RNF126: variants seen among roughly 807,000 people sequenced by gnomAD.
RNF126 encodes E3 ubiquitin-protein ligase RNF126.
RNF126 carries 20 observed loss-of-function variants against 41.9 expected under a neutral mutation model. The ratio of observed to expected loss-of-function variants is 0.48; its 90% CI spans 0.34 to 0.69. RNF126 has a LOEUF of 0.69. RNF126 is among the 30% of genes least tolerant of loss of function. The pLI, the probability that RNF126 is intolerant of heterozygous loss-of-function variation, is 0.01. For synonymous variants in RNF126, 239 were observed against 202.9 expected, an observed-to-expected ratio of 1.18 and a Z score of -1.51; for missense variants, 433 against 460.6, an observed-to-expected ratio of 0.94 and a Z score of 0.55.
chr19:648,097 G>GC lies in RNF126; in HGVS notation c.*30dup. 1 of 1,536,374 alleles carries GC rather than the reference G, an allele frequency of 6.5e-7. No individual in the cohort carries two copies. Among genetic ancestry groups the GC allele is most frequent in the Non-Finnish European group, 8.8e-7 (1 of 1,138,886 alleles). On this transcript the variant is annotated 3_prime_UTR_variant, in exon 9 of 9. Coordinates refer to ENST00000292363, the MANE Select transcript of RNF126 (RefSeq NM_194460.3). ...CGCTGGCTGAGGGTGGGTGGGAAAG[G>GC]CCCCGTGCTTTCCCGACGGCCGACG...
chr19:655,292 T>A (rs1279948856), intron 1 of RNF126, among the ~76,000 whole-genome samples: 1 of 150,142 alleles, frequency 6.7e-6, no homozygotes. Flanking sequence ...GTCCCACCAC[T>A]GCGCTAGCCT....
In RNF126 at chr19:647,977, CG is replaced by C. The variant is rs1323232366; in HGVS notation, c.*150del. On this transcript the variant is annotated 3_prime_UTR_variant, in exon 9 of 9. Transcript: ENST00000292363. ...TTCCCAAGCCAGGGGGCCGGTGGGC[CG>C]GGCCCGGGTCCTGCCCTGGAACAGG... The C allele has an allele frequency of 1.0e-6, 1 of 990,352 alleles. No individual in the cohort carries two copies. Among genetic ancestry groups the C allele is most frequent in the Admixed American group, 2.9e-5 (1 of 34,110 alleles). 61.3% of individuals were successfully genotyped at this position (990,352 alleles called of 1,614,324 possible).
Position 649,731 on chromosome 19 carries a change from T to C in RNF126, c.524A>G (p.Asn175Ser), listed in dbSNP as rs749944512. Residue 175 changes from asparagine (N) to serine (S), a missense_variant, in exon 6 of 9, where the codon AAC (asparagine) becomes AGC (serine). Asn to Ser is a conservative substitution (Grantham distance 46). This residue lies in a region of RNF126 where 22 missense variants were observed against 45.7 expected (regional missense o/e 0.48). Coordinates refer to ENST00000292363, the MANE Select transcript of RNF126 (RefSeq NM_194460.3). ...GGCCCCCCAGGCGTAGTCCATAGGG[T>C]TTGAGTGCAGGACTCCCCTGGAGGT... Reference protein sequence around the residue: ...SLGPWGVLHSNPMDYAWGANG... With the variant: ...SLGPWGVLHSSPMDYAWGANG... 15 of 1,570,268 alleles carry C rather than the reference T, an allele frequency of 9.6e-6. No homozygotes were observed. The African/African-American group carries it at 2.0e-4, about 21-fold the overall frequency.
At chr19:648,591 G>A (rs887037077) in intron 7 of RNF126, 104 bp from the exon 8 acceptor site, 73 of 937,118 alleles carry the variant, frequency 7.8e-5, no homozygotes, top group Non-Finnish European at 1.1e-4. Flanking sequence ...CCTGAGCCCA[G>A]CGAGGGGAGA....
chr19:662,745 C>G (rs2144782028), intron 1 of RNF126, among the ~76,000 whole-genome samples: 1 of 152,242 alleles, frequency 6.6e-6, no homozygotes, highest in Non-Finnish European at 1.5e-5. Context: ...ATCCTCGCGG[C>G]CTCTCGGGTC....
chr19:655,959 G>A (rs2030546310), intron 1 of RNF126, among the ~76,000 whole-genome samples: 1 of 152,066 alleles, frequency 6.6e-6, no homozygotes, highest in African/African-American at 2.4e-5. Flanking sequence ...CGCAGCGTGT[G>A]ATCCCACGTC....
Position 663,061 on chromosome 19 carries a change from C to T in RNF126, c.61G>A (p.Val21Ile). Residue 21 changes from valine (V) to isoleucine (I), a missense_variant, in exon 1 of 9, where the codon GTC becomes ATC. Physicochemically the swap from Val to Ile is conservative, Grantham distance 29. Transcript: ENST00000292363. Reference protein sequence around the residue: ...YFCHCCSVEIVPRLPDYICPR... With the variant: ...YFCHCCSVEIIPRLPDYICPR... ...CCGGGCCTCACCGGCAGGCGCGGGACGATCTCCACGGAGCAGCAGTGGCAG... is the reference window on the plus strand; with the variant it reads ...CCGGGCCTCACCGGCAGGCGCGGGATGATCTCCACGGAGCAGCAGTGGCAG... 3 of 1,376,916 alleles carry T rather than the reference C, an allele frequency of 2.2e-6. No individual in the cohort carries two copies. Among genetic ancestry groups the T allele is most frequent in the South Asian group, 3.1e-5 (2 of 65,470 alleles). The allele number at this position is 1,376,916 out of a possible 1,614,324, so 85.3% of individuals were successfully genotyped here.
intron 1 of RNF126, among the ~76,000 whole-genome samples, chr19:660,479 G>A (rs1400075087): frequency 1.3e-5 from 2 of 149,406 alleles, no homozygotes; most frequent in East Asian, 1.9e-4. Context: ...AGCAGCAGCA[G>A]TGCCGCCCCT....
chr19:663,107 C>T lies in RNF126; in HGVS notation c.15G>A (p.Ser5=). Residue 5 remains serine, a synonymous_variant, in exon 1 of 9, where the codon TCG becomes TCA. Coordinates refer to ENST00000292363, the MANE Select transcript of RNF126 (RefSeq NM_194460.3). Reference sequence around the variant, plus strand: ...GGCAGAAGTACCGTCCGGGATGCGGCGACGCCTCGGCCATGGCCGCCGCCA... The same window carrying T: ...GGCAGAAGTACCGTCCGGGATGCGGTGACGCCTCGGCCATGGCCGCCGCCA... MAEA[S]PHPGRYFCHC... The T allele has an allele frequency of 7.5e-7, 1 of 1,335,054 alleles. No homozygotes were observed. The allele number at this position is 1,335,054 out of a possible 1,614,324, so 82.7% of individuals were successfully genotyped here. A position where few individuals can be genotyped will look rare whatever the true frequency, so the allele number is the denominator to read the frequency against.
At chr19:658,702 C>T (rs1273196057) in intron 1 of RNF126, among the ~76,000 whole-genome samples, 1 of 152,222 alleles carries the variant, frequency 6.6e-6, no homozygotes, top group Admixed American at 6.5e-5. Flanking sequence ...ATGGACGAGG[C>T]GTGAGCGAAG....
chr19:658,812 A>G (rs560703220), intron 1 of RNF126, among the ~76,000 whole-genome samples: 13 of 152,236 alleles, frequency 8.5e-5, no homozygotes, highest in African/African-American at 3.1e-4. Flanking sequence ...GGCTTCAGGC[A>G]CCACCACTAG....
chr19:650,457 G>T, intron 4 of RNF126, 161 bp from the exon 5 acceptor site: 1 of 615,466 alleles, frequency 1.6e-6, no homozygotes, highest in Non-Finnish European at 2.8e-6. Flanking sequence ...TCACTCTAAT[G>T]CCGAGGCAGG....
Position 648,360 on chromosome 19 carries a change from C to CGGGGGGGGGGGGGG in RNF126, c.786+11_786+12insCCCCCCCCCCCCCC. ...CGGTCGGGGTGGGGGGGCGGGTGGG[C>CGGGGGGGGGGGGGG]GGGGCACTCACCTGCTCCAGCCAGG... is the stretch of plus-strand genomic sequence containing the variant. On this transcript the variant is annotated intron_variant, in intron 8 of 8. Transcript: ENST00000292363. 1 of 302,284 alleles carries CGGGGGGGGGGGGGG rather than the reference C, an allele frequency of 3.3e-6. No homozygotes were observed. The highest frequency in any genetic ancestry group is 4.9e-6 in the Non-Finnish European group (1 of 205,052). The allele number at this position is 302,284 out of a possible 1,614,324, so 18.7% of individuals were successfully genotyped here.
chr19:661,726 G>C (rs56044504), intron 1 of RNF126, among the ~76,000 whole-genome samples: 6,332 of 152,232 alleles, frequency 0.042, 176 homozygotes, highest in Non-Finnish European at 0.059. Flanking sequence ...CACTGCTTCT[G>C]GGGGGCTTGG....
rs548388385 is a variant in RNF126 at position 659,602 on chromosome 19, C to T, written c.75+3445G>A. Among the ~76,000 whole-genome samples the T allele has an allele frequency of 2.0e-5, 3 of 152,284 alleles. No homozygotes were observed. Among genetic ancestry groups the T allele is most frequent in the Admixed American group, 1.3e-4 (2 of 15,306 alleles). On this transcript the variant is annotated intron_variant, in intron 1 of 8. Transcript: ENST00000292363. This position sits in a 1 kb window ranked among gnomAD's most constrained non-coding sequence, Gnocchi z 4.9. ...CTCAGCAGCTCTCGCCCACACCCTACAGTCACAGCTCCAGTCAGTGCCTCC... is the reference window on the plus strand; with the variant it reads ...CTCAGCAGCTCTCGCCCACACCCTATAGTCACAGCTCCAGTCAGTGCCTCC...
rs1347474638 is a variant in RNF126, at chr19:663,060, A to G, written c.62T>C (p.Val21Ala). 2 of 1,376,646 alleles carry G rather than the reference A, an allele frequency of 1.5e-6. No homozygotes were observed. The highest frequency in any genetic ancestry group is 5.7e-5 in the Admixed American group (2 of 35,142). The allele number at this position is 1,376,646 out of a possible 1,614,324, so 85.3% of individuals were successfully genotyped here. A position where few individuals can be genotyped will look rare whatever the true frequency, so the allele number is the denominator to read the frequency against. The change falls in exon 1 of 9, where the codon GTC becomes GCC. Residue 21 changes from valine (V) to alanine (A), a missense_variant. Transcript: ENST00000292363. ...CCCGGGCCTCACCGGCAGGCGCGGG[A>G]CGATCTCCACGGAGCAGCAGTGGCA... ...YFCHCCSVEI[V>A]PRLPDYICPR...
intron 4 of RNF126, chr19:651,393 C>T (rs991012418): frequency 2.4e-6 from 1 of 425,240 alleles, no homozygotes; most frequent in Non-Finnish European, 4.1e-6. Flanking sequence ...ACACGGTGCC[C>T]CACTCTGTGG....
chr19:652,716 G>A lies in RNF126; in HGVS notation c.134+110C>T. 3 of 966,356 alleles carry A rather than the reference G, an allele frequency of 3.1e-6. 1 individual carries two copies. The South Asian group carries it at 4.1e-5, about 13-fold the overall frequency. 59.9% of individuals were successfully genotyped at this position (966,356 alleles called of 1,614,324 possible). A position where few individuals can be genotyped will look rare whatever the true frequency, so the allele number is the denominator to read the frequency against. The stretch of plus-strand genomic sequence containing the variant: ...AGTGCTCCCGGAGCCACAGACACCA[G>A]GGCCTGACGGCCCCACACTCGGCGG... On this transcript the variant is annotated intron_variant, in intron 2 of 8. Coordinates refer to ENST00000292363, the MANE Select transcript of RNF126 (RefSeq NM_194460.3).
rs1231915435 is a variant in RNF126, at chr19:649,687, T to C, written c.568A>G (p.Ile190Val). The part of the protein sequence containing the change: ...AWGANGLDAI[I>V]TQLLNQFENT... ...CCGTGGCCACGCTGTACCTGTGTGA[T>C]GATGGCATCCAGGCCGTTGGCCCCC... The change falls in exon 6 of 9, where the codon ATC becomes GTC. Residue 190 changes from isoleucine (I) to valine (V), a missense_variant. Ile to Val is a conservative substitution (Grantham distance 29). Coordinates refer to ENST00000292363, the MANE Select transcript of RNF126 (RefSeq NM_194460.3). The C allele has an allele frequency of 6.4e-7, 1 of 1,565,670 alleles. No individual in the cohort carries two copies. Among genetic ancestry groups the C allele is most frequent in the South Asian group, 1.2e-5 (1 of 85,712 alleles).
Sources: allele counts gnomAD v4.1 joint callset (sites outside exome capture counted in the v4.1 genomes callset), GRCh38; gene constraint gnomAD v4.1.1; regional missense constraint gnomAD v4.1.1; non-coding constraint Gnocchi (gnomAD v3.1); transcripts MANE v1.5; gene names NCBI Gene and HGNC (gene_info 2026-07-23, HGNC 2026-07-21).